KCND2: variants seen among roughly 807,000 people sequenced by gnomAD.
KCND2 encodes potassium voltage-gated channel subfamily D member 2, also known as A-type voltage-gated potassium channel KCND2.
A neutral mutation model predicts 54.4 loss-of-function variants in KCND2; 16 were observed. The ratio of observed to expected loss-of-function variants is 0.29; its 90% CI spans 0.20 to 0.45. The LOEUF (loss-of-function observed/expected upper bound fraction) is 0.45, where lower values mean the gene tolerates loss of function less well. Among genes scored for constraint, KCND2 ranks in the 20% least tolerant of loss-of-function variants. The pLI is 1.00. For synonymous variants in KCND2, 317 were observed against 310.7 expected (o/e 1.02, Z -0.21); for missense variants, 486 against 824.2 (o/e 0.59, Z 5.02).
chr7:120,328,411 T>G (rs1800012680), intron 1 of KCND2, among the ~76,000 whole-genome samples: 1 of 152,168 alleles, frequency 6.6e-6, no homozygotes, highest in African/African-American at 2.4e-5. Context: ...ATTTTATAGA[T>G]GAGGATTCTG....
intron 1 of KCND2, among the ~76,000 whole-genome samples, chr7:120,691,895 A>C (rs183267837): frequency 6.6e-6 from 1 of 152,332 alleles, no homozygotes; most frequent in Admixed American, 6.5e-5. Flanking sequence ...GAGAATGCAG[A>C]GTCCTAAAAT....
At chr7:120,425,833 T>C (rs1012776750) in intron 1 of KCND2, among the ~76,000 whole-genome samples, 1 of 152,236 alleles carries the variant, frequency 6.6e-6, no homozygotes, top group East Asian at 1.9e-4. Context: ...TTCTCAATCA[T>C]TTTGACAGCT....
chr7:120,468,354 A>G (rs1452618286), intron 1 of KCND2, among the ~76,000 whole-genome samples: 2 of 152,122 alleles, frequency 1.3e-5, no homozygotes, highest in Non-Finnish European at 2.9e-5. Flanking sequence ...CTTCTGCTGT[A>G]ATGTGATTTT....
At chr7:120,363,306 T>C (rs1263047115) in intron 1 of KCND2, among the ~76,000 whole-genome samples, 1 of 152,044 alleles carries the variant, frequency 6.6e-6, no homozygotes. Flanking sequence ...CCCATCTATA[T>C]ATATATATCT....
intron 1 of KCND2, among the ~76,000 whole-genome samples, chr7:120,282,557 T>A (rs1799282417): frequency 6.6e-6 from 1 of 152,050 alleles, no homozygotes; most frequent in South Asian, 2.1e-4. Flanking sequence ...TCATTAAAAG[T>A]GTGGGGGGAG....
intron 1 of KCND2, among the ~76,000 whole-genome samples, chr7:120,640,510 G>A (rs1793357830): frequency 6.6e-6 from 1 of 151,994 alleles, no homozygotes; most frequent in Admixed American, 6.6e-5. Context: ...TAAAGAACAG[G>A]CTAAAGTTCT....
intron 1 of KCND2, among the ~76,000 whole-genome samples, chr7:120,467,138 CG>C (rs906904241): frequency 7.9e-5 from 12 of 152,040 alleles, no homozygotes; most frequent in Admixed American, 6.6e-4. Context: ...GAACATCTTT[CG>C]GGGAGCCATT....
chr7:120,386,615 A>G (rs1284299329), intron 1 of KCND2, among the ~76,000 whole-genome samples: 1 of 152,160 alleles, frequency 6.6e-6, no homozygotes, highest in Non-Finnish European at 1.5e-5. Flanking sequence ...GAAAACCAGA[A>G]ATATTTGTGA....
At chr7:120,389,866 A>G (rs1318104734) in intron 1 of KCND2, among the ~76,000 whole-genome samples, 1 of 151,910 alleles carries the variant, frequency 6.6e-6, no homozygotes, top group Non-Finnish European at 1.5e-5. Flanking sequence ...ATCCCCAGAC[A>G]TTCTCAAATT....
chr7:120,464,832 A>G (rs909159799), intron 1 of KCND2, among the ~76,000 whole-genome samples: 6 of 152,186 alleles, frequency 3.9e-5, no homozygotes, highest in Non-Finnish European at 8.8e-5. Flanking sequence ...CTTCAAAGCC[A>G]GCAACAGCAC....
At chr7:120,281,533 G>A (rs540884651) in intron 1 of KCND2, among the ~76,000 whole-genome samples, 11 of 151,944 alleles carry the variant, frequency 7.2e-5, no homozygotes, top group Admixed American at 3.3e-4. Flanking sequence ...CAGCCTTTAC[G>A]TTGACCTTCT....
At chr7:120,454,500 C>T (rs1802165780) in intron 1 of KCND2, among the ~76,000 whole-genome samples, 1 of 152,114 alleles carries the variant, frequency 6.6e-6, no homozygotes, top group African/African-American at 2.4e-5. Flanking sequence ...AAGATTCAAC[C>T]AGGAACAAAT....
chr7:120,356,441 CATAA>C lies in KCND2; in HGVS notation c.1115+80702_1115+80705del, dbSNP rs1800506456. ...AGACATTGTAACAGGAATGCTAAAT[CATAA>C]ATAAATACTTTGAATGATCATATGT... is the stretch of plus-strand genomic sequence containing the variant. On this transcript the variant is annotated intron_variant, in intron 1 of 5. Coordinates refer to ENST00000331113, the MANE Select transcript of KCND2 (RefSeq NM_012281.3). Among the ~76,000 whole-genome samples the C allele has an allele frequency of 2.0e-5, 3 of 151,996 alleles. No homozygotes were observed. In the South Asian group the frequency reaches 6.2e-4, roughly 32 times the overall value.
At chr7:120,316,238 T>C (rs903439721) in intron 1 of KCND2, among the ~76,000 whole-genome samples, 1 of 152,228 alleles carries the variant, frequency 6.6e-6, no homozygotes, top group Non-Finnish European at 1.5e-5. Flanking sequence ...CTTTCTGTAC[T>C]ACTTTTCTTT....
At chr7:120,559,443 G>A (rs1792205721) in intron 1 of KCND2, among the ~76,000 whole-genome samples, 1 of 152,174 alleles carries the variant, frequency 6.6e-6, no homozygotes, top group Non-Finnish European at 1.5e-5. Context: ...TTAGGCAGAT[G>A]AGCGAAGCTT....
At chr7:120,360,484 C>A (rs1481695368) in intron 1 of KCND2, among the ~76,000 whole-genome samples, 1 of 151,992 alleles carries the variant, frequency 6.6e-6, no homozygotes, top group African/African-American at 2.4e-5. Context: ...GAAAGACTAT[C>A]CATTTTAAAA....
At chr7:120,516,552 A>G (rs1803199816) in intron 1 of KCND2, among the ~76,000 whole-genome samples, 2 of 152,202 alleles carry the variant, frequency 1.3e-5, no homozygotes, top group South Asian at 4.1e-4. Context: ...GACATGAAAA[A>G]TCTGGGGTTC....
At chr7:120,411,297 G>T (rs1217765971) in intron 1 of KCND2, among the ~76,000 whole-genome samples, 1 of 151,408 alleles carries the variant, frequency 6.6e-6, no homozygotes, top group East Asian at 1.9e-4. Context: ...ATGAGGAAAT[G>T]TCATTTTTTT....
intron 1 of KCND2, among the ~76,000 whole-genome samples, chr7:120,674,304 G>A (rs1256495930): frequency 2.0e-5 from 3 of 152,118 alleles, no homozygotes; most frequent in East Asian, 1.9e-4. Context: ...TGATCTAGGC[G>A]CTGCTCCAAT....
Sources: gnomAD v4.1 joint callset for allele counts (sites outside exome capture counted in the v4.1 genomes callset) on GRCh38, gnomAD v4.1.1 for gene constraint, MANE v1.5 for transcripts, NCBI Gene and HGNC (gene_info 2026-07-23, HGNC 2026-07-21) for gene names.